Variants in SLC38A6 observed in about 807,000 individuals in gnomAD.
SLC38A6 encodes N system amino acid transporter NAT-1.
SLC38A6 carries 73 observed loss-of-function variants against 65.0 expected under a neutral mutation model. That is an observed-to-expected ratio of 1.12 (90% CI 0.93 to 1.37). The LOEUF (loss-of-function observed/expected upper bound fraction) is 1.37, where lower values mean the gene tolerates loss of function less well. Among genes scored for constraint, SLC38A6 ranks in the 40% most tolerant of loss-of-function variants. The probability of loss-of-function intolerance (pLI) is 0.00; values close to 1 mark genes in which losing one functional copy is unlikely to be tolerated. For synonymous variants in SLC38A6, 183 were observed against 178.8 expected (o/e 1.02, Z -0.19); for missense variants, 561 against 531.1 (o/e 1.06, Z -0.55).
chr14:61,043,513 T>G lies in SLC38A6; in HGVS notation c.744+10T>G. The G allele has an allele frequency of 6.3e-7, 1 of 1,584,662 alleles. No homozygotes were observed. The highest frequency in any genetic ancestry group is 1.1e-5 in the South Asian group (1 of 87,664). On this transcript the variant is annotated intron_variant, in intron 10 of 15. Transcript: ENST00000267488. ...TCATTTCTCCAAAGAGGTGTGTAAG[T>G]TATTAACAGATACTTTTAGTTGATT... is the stretch of plus-strand genomic sequence containing the variant.
intron 3 of SLC38A6, among the ~76,000 whole-genome samples, chr14:61,013,271 T>C (rs1430086722): frequency 2.0e-5 from 3 of 152,226 alleles, no homozygotes; most frequent in Non-Finnish European, 4.4e-5. Context: ...TTTGAGCCTA[T>C]GTGTGTCTCT....
chr14:60,984,306 A>G (rs2037292642), intron 2 of SLC38A6, among the ~76,000 whole-genome samples: 1 of 152,218 alleles, frequency 6.6e-6, no homozygotes, highest in Admixed American at 6.5e-5. Context: ...GGAGGTCAAT[A>G]TCACTGGAAG....
chr14:60,982,286 G>A (rs1315674388), intron 1 of SLC38A6: 2 of 592,738 alleles, frequency 3.4e-6, no homozygotes, highest in Non-Finnish European at 6.3e-6. Context: ...CTTGTGTACT[G>A]GTGGAAATCA....
intron 3 of SLC38A6, among the ~76,000 whole-genome samples, chr14:61,015,508 A>G (rs1398394741): frequency 1.1e-5 from 1 of 89,396 alleles, no homozygotes; most frequent in Non-Finnish European, 2.4e-5. Context: ...TGAGAGAAAG[A>G]ATCTTTCAGA....
At position 60,997,656 on chromosome 14, in the gene SLC38A6, G is replaced by A. The variant is rs76135856; in HGVS notation, c.310+12853G>A. On this transcript the variant is annotated intron_variant, in intron 3 of 15. Transcript: ENST00000267488. ...GTTAAAAAAGTCAGAATAAAATAGGGATTGAACCAAGGTAGTAATAAGGTG... is the reference window on the plus strand; with the variant it reads ...GTTAAAAAAGTCAGAATAAAATAGGAATTGAACCAAGGTAGTAATAAGGTG... Among the ~76,000 whole-genome samples, 1,479 of 152,284 alleles carry A rather than the reference G, an allele frequency of 9.7e-3. 16 individuals carry two copies. Among genetic ancestry groups the A allele is most frequent in the African/African-American group, 0.033 (1,370 of 41,550 alleles).
At chr14:61,053,454 G>C (rs556702392), downstream of SLC38A6, among the ~76,000 whole-genome samples, 1 of 152,062 alleles carries the variant, frequency 6.6e-6, no homozygotes, top group Non-Finnish European at 1.5e-5. Flanking sequence ...AGCTCTTTGA[G>C]GAATCACCAT....
chr14:61,071,682 CAA>C (rs747015319), intron 15 of SLC38A6, among the ~76,000 whole-genome samples: 23 of 105,220 alleles, frequency 2.2e-4, no homozygotes, highest in Admixed American at 4.9e-4. Flanking sequence ...AATCCTGTCT[CAA>C]AAAAAAAAAA....
chr14:61,067,748 T>TATAC (rs995157893), intron 15 of SLC38A6, among the ~76,000 whole-genome samples: 1 of 152,116 alleles, frequency 6.6e-6, no homozygotes, highest in African/African-American at 2.4e-5. Context: ...TAGGTACACA[T>TATAC]ATACATACAT....
At chr14:61,060,984 G>A (rs556112487) in intron 15 of SLC38A6, among the ~76,000 whole-genome samples, 46 of 150,702 alleles carry the variant, frequency 3.1e-4, no homozygotes, top group African/African-American at 7.4e-4. Context: ...TTCGGCTCGC[G>A]CACGGTGCGC....
intron 3 of SLC38A6, among the ~76,000 whole-genome samples, chr14:60,990,005 T>C (rs535408390): frequency 7.2e-5 from 11 of 152,104 alleles, no homozygotes; most frequent in African/African-American, 2.4e-4. Context: ...CCTGGGACTA[T>C]TCCTCTGATC....
intron 5 of SLC38A6, among the ~76,000 whole-genome samples, chr14:61,027,892 T>C (rs1429212512): frequency 3.3e-5 from 5 of 151,998 alleles, no homozygotes; most frequent in Admixed American, 6.6e-5. Flanking sequence ...TCTTAAAATA[T>C]ATACTAACAT....
At chr14:61,023,585 A>T (rs1045199906) in intron 5 of SLC38A6, among the ~76,000 whole-genome samples, 1 of 16,910 alleles carries the variant, frequency 5.9e-5, no homozygotes, top group Non-Finnish European at 4.1e-4. Context: ...TAATAATAAT[A>T]ATAATATATA....
At chr14:61,027,980 C>A (rs1462940840) in intron 5 of SLC38A6, among the ~76,000 whole-genome samples, 1 of 151,660 alleles carries the variant, frequency 6.6e-6, no homozygotes, top group Admixed American at 6.6e-5. Flanking sequence ...GAGAGAGAAA[C>A]ACGTTTGGTG....
chr14:61,073,861 C>T (rs546724476), intron 15 of SLC38A6: 3 of 152,004 alleles, frequency 2.0e-5, no homozygotes, highest in African/African-American at 7.2e-5. Context: ...AGACCAACCC[C>T]TCCCCTGCCT....
chr14:61,066,872 C>T (rs2043035115), intron 15 of SLC38A6, among the ~76,000 whole-genome samples: 1 of 152,030 alleles, frequency 6.6e-6, no homozygotes, highest in Non-Finnish European at 1.5e-5. Flanking sequence ...CATCAGTGGA[C>T]AGATACACAA....
At chr14:61,023,010 A>G (rs758644345) in intron 5 of SLC38A6, among the ~76,000 whole-genome samples, 15 of 152,172 alleles carry the variant, frequency 9.9e-5, no homozygotes, top group Non-Finnish European at 1.2e-4. Flanking sequence ...GACAGGAACT[A>G]TGTGTTTTTA....
At chr14:61,012,163 A>G (rs2039627714) in intron 3 of SLC38A6, among the ~76,000 whole-genome samples, 1 of 152,102 alleles carries the variant, frequency 6.6e-6, no homozygotes, top group Admixed American at 6.5e-5. Flanking sequence ...TTTCTAGTTT[A>G]TTTGCATAGA....
intron 16 of SLC38A6, among the ~76,000 whole-genome samples, chr14:61,080,650 C>A (rs2043608001): frequency 6.6e-6 from 1 of 152,178 alleles, no homozygotes; most frequent in Admixed American, 6.5e-5. Context: ...GCCAAATTCC[C>A]TAGGCTCCCC....
In SLC38A6 at chr14:60,982,650, TA is replaced by T; in HGVS notation, c.236+13del. ...GTCTTTGGATTTAGGTGAGTCTTCATATTTTAGCATCAAATTTTTTTTTCCA... is the reference window on the plus strand; with the variant it reads ...GTCTTTGGATTTAGGTGAGTCTTCATTTTTAGCATCAAATTTTTTTTTCCA... On this transcript the variant is annotated intron_variant, in intron 2 of 15. Transcript: ENST00000267488. 1 of 1,591,444 alleles carries T rather than the reference TA, an allele frequency of 6.3e-7. No individual in the cohort carries two copies. The highest frequency in any genetic ancestry group is 1.4e-5 in the African/African-American group (1 of 73,358).
Sources: gnomAD v4.1 joint callset for allele counts (sites outside exome capture counted in the v4.1 genomes callset) on GRCh38, gnomAD v4.1.1 for gene constraint, MANE v1.5 for transcripts, NCBI Gene and HGNC (gene_info 2026-07-23, HGNC 2026-07-21) for gene names.